The following MARCHF1 variants were observed in gnomAD, a reference collection of about 807,000 sequenced individuals.
MARCHF1 encodes the protein membrane associated ring-CH-type finger 1, also known as E3 ubiquitin-protein ligase MARCHF1.
In MARCHF1, 40 loss-of-function variants were observed where a neutral mutation model predicts 54.2. The observed-to-expected ratio is 0.74, with a 90% CI of 0.57 to 0.96. MARCHF1 has a LOEUF of 0.96. MARCHF1 is among the 40% of genes least tolerant of loss of function. The pLI, the probability that MARCHF1 is intolerant of heterozygous loss-of-function variation, is 0.00. For synonymous variants in MARCHF1, 236 were observed against 236.3 expected (o/e 1.00, Z 0.01); for missense variants, 586 against 656.5 (o/e 0.89, Z 1.17).
chr4:164,284,235 TG>T (rs1734089997), intron 1 of MARCHF1, among the ~76,000 whole-genome samples: 1 of 150,704 alleles, frequency 6.6e-6, no homozygotes, highest in Non-Finnish European at 1.5e-5. Context: ...GAGTATTCCT[TG>T]GATATGTAAG....
rs900257742 is a variant in MARCHF1, at chr4:163,996,434, C to T, written c.-247-7725G>A. 8.5e-5 allele frequency among the ~76,000 whole-genome samples: 13 copies of T among 152,082 alleles called. No homozygotes were observed. In the South Asian group the frequency reaches 2.7e-3, roughly 32 times the overall value. ...CTAAAGTTCCAAAACAATCAGCAGA[C>T]TTACGAAATTTGGTTAAAATAATTG... is the stretch of plus-strand genomic sequence containing the variant. On this transcript the variant is annotated intron_variant, in intron 2 of 9. Coordinates refer to ENST00000514618, the MANE Select transcript of MARCHF1 (RefSeq NM_001394959.1).
intron 2 of MARCHF1, among the ~76,000 whole-genome samples, chr4:164,059,959 G>A (rs1467813568): frequency 6.6e-6 from 1 of 152,070 alleles, no homozygotes; most frequent in African/African-American, 2.4e-5. Flanking sequence ...CTGCCGCTTA[G>A]TATTGATATA....
chr4:164,194,221 A>G (rs1430466759), intron 1 of MARCHF1, among the ~76,000 whole-genome samples: 1 of 152,198 alleles, frequency 6.6e-6, no homozygotes, highest in Non-Finnish European at 1.5e-5. Context: ...ACATAATTTT[A>G]ATTTTAATTG....
intron 1 of MARCHF1, among the ~76,000 whole-genome samples, chr4:164,278,784 G>A (rs1329512268): frequency 2.0e-5 from 3 of 152,052 alleles, no homozygotes; most frequent in Admixed American, 1.3e-4. Context: ...AGAGGGGAGC[G>A]GTTAAAACCG....
intron 1 of MARCHF1, among the ~76,000 whole-genome samples, chr4:164,248,266 A>G (rs1172734213): frequency 1.3e-5 from 2 of 151,962 alleles, no homozygotes; most frequent in Non-Finnish European, 2.9e-5. Context: ...TCTGTTATTA[A>G]TTTGTGACTT....
chr4:163,542,715 G>A (rs1738760357), intron 9 of MARCHF1, among the ~76,000 whole-genome samples: 1 of 152,124 alleles, frequency 6.6e-6, no homozygotes, highest in African/African-American at 2.4e-5. Context: ...CCACCATCAG[G>A]GTTTCATAGG....
intron 8 of MARCHF1, 79 bp downstream of exon 8, chr4:163,585,670 T>C: frequency 1.7e-6 from 2 of 1,176,522 alleles, no homozygotes; most frequent in Non-Finnish European, 2.4e-6. Context: ...GAGAATCGTA[T>C]TGGCAAAGGA....
At chr4:163,719,742 A>G (rs1184751206) in intron 4 of MARCHF1, among the ~76,000 whole-genome samples, 2 of 152,050 alleles carry the variant, frequency 1.3e-5, no homozygotes, top group Admixed American at 6.5e-5. Flanking sequence ...GTGAGATGGT[A>G]TCTCATTGTG....
intron 1 of MARCHF1, among the ~76,000 whole-genome samples, chr4:164,263,181 T>G (rs1347234448): frequency 6.6e-6 from 1 of 151,296 alleles, no homozygotes; most frequent in Non-Finnish European, 1.5e-5. Flanking sequence ...AAGAAAGAGG[T>G]AGACCTAGGA....
chr4:164,370,386 C>T (rs577227842), intron 1 of MARCHF1, among the ~76,000 whole-genome samples: 89 of 152,178 alleles, frequency 5.8e-4, no homozygotes, highest in Non-Finnish European at 7.9e-4. Context: ...GGAGCGGTGG[C>T]CATCATTGTA....
intron 8 of MARCHF1, among the ~76,000 whole-genome samples, chr4:163,546,232 C>T (rs1293444641): frequency 6.6e-6 from 1 of 152,164 alleles, no homozygotes; most frequent in Non-Finnish European, 1.5e-5. Flanking sequence ...CCCACCTTGT[C>T]CTCCCAAAGT....
intron 1 of MARCHF1, among the ~76,000 whole-genome samples, chr4:164,224,660 T>A (rs1253005281): frequency 6.6e-6 from 1 of 152,054 alleles, no homozygotes; most frequent in Non-Finnish European, 1.5e-5. Flanking sequence ...ACCTTAATGC[T>A]TTATATAAGA....
At chr4:164,196,869 C>A in intron 1 of MARCHF1, 1 of 1,043,780 alleles carries the variant, frequency 9.6e-7, no homozygotes, top group South Asian at 1.5e-5. Context: ...AGCAATGTTA[C>A]AATCAGAAAA....
chr4:164,369,254 CT>C (rs1730965426), intron 1 of MARCHF1, among the ~76,000 whole-genome samples: 1 of 152,174 alleles, frequency 6.6e-6, no homozygotes, highest in Non-Finnish European at 1.5e-5. Flanking sequence ...TGGTTCTTCT[CT>C]GTGTCTACAT....
chr4:164,100,919 C>T lies in MARCHF1; in HGVS notation c.-248+10669G>A, dbSNP rs1331480985. 2.6e-5 allele frequency among the ~76,000 whole-genome samples: 4 copies of T among 152,168 alleles called. No individual in the cohort carries two copies. In the East Asian group the frequency reaches 7.8e-4, roughly 30 times the overall value. On this transcript the variant is annotated intron_variant, in intron 2 of 9. Coordinates refer to ENST00000514618, the MANE Select transcript of MARCHF1 (RefSeq NM_001394959.1). ...AGTGGGTGCGCGCACAGTGCGCGAGCCGAAGTAGGGCGAGGCATTGCCTCA... is the reference window on the plus strand; with the variant it reads ...AGTGGGTGCGCGCACAGTGCGCGAGTCGAAGTAGGGCGAGGCATTGCCTCA...
intron 3 of MARCHF1, among the ~76,000 whole-genome samples, chr4:163,871,677 G>T (rs1750172763): frequency 6.6e-6 from 1 of 152,050 alleles, no homozygotes; most frequent in Non-Finnish European, 1.5e-5. Context: ...GACGTAAAAA[G>T]CAATGGTTAC....
chr4:164,169,239 C>T (rs1730463154), intron 1 of MARCHF1, among the ~76,000 whole-genome samples: 1 of 152,058 alleles, frequency 6.6e-6, no homozygotes, highest in Non-Finnish European at 1.5e-5. Context: ...CTTAAAACAT[C>T]AACCTGGGGA....
At chr4:164,140,253 A>ATATATC (rs1756497787) in intron 1 of MARCHF1, among the ~76,000 whole-genome samples, 1 of 151,108 alleles carries the variant, frequency 6.6e-6, no homozygotes, top group Non-Finnish European at 1.5e-5. Flanking sequence ...ATATATATAT[A>ATATATC]TATAAATGAA....
At position 163,733,177 on chromosome 4, in the gene MARCHF1, GTATATATATATATATA is replaced by G. The variant is rs1169850987; in HGVS notation, c.112-32330_112-32315del. ...TCTCTCTCTCTCTCTCTGTATGTGTGTATATATATATATATATATATATATATATATATATATATAT... is the reference window on the plus strand; with the variant it reads ...TCTCTCTCTCTCTCTCTGTATGTGTGTATATATATATATATATATATATAT... On this transcript the variant is annotated intron_variant, in intron 4 of 9. Coordinates refer to ENST00000514618, the MANE Select transcript of MARCHF1 (RefSeq NM_001394959.1). 2.2e-3 allele frequency among the ~76,000 whole-genome samples: 39 copies of G among 17,542 alleles called. 2 individuals carry two copies. The highest frequency in any genetic ancestry group is 8.9e-3 in the African/African-American group (36 of 4,046). 11.5% of individuals were successfully genotyped at this position (17,542 alleles called of 152,430 possible).
Sources: gnomAD v4.1 joint callset for allele counts (sites outside exome capture counted in the v4.1 genomes callset) on GRCh38, gnomAD v4.1.1 for gene constraint, MANE v1.5 for transcripts, NCBI Gene and HGNC (gene_info 2026-07-23, HGNC 2026-07-21) for gene names.